Variants in PCDHA9 observed in about 807,000 individuals in gnomAD.
PCDHA9 encodes the protein protocadherin alpha-9.
In PCDHA9, 62 loss-of-function variants were observed where a neutral mutation model predicts 62.0. The observed-to-expected ratio is 1.00, with a 90% CI of 0.81 to 1.23. The LOEUF (loss-of-function observed/expected upper bound fraction) is 1.23. Among genes scored for constraint, PCDHA9 ranks in the 50% most tolerant of loss-of-function variants. The probability of loss-of-function intolerance (pLI) is 0.00; values close to 1 mark genes in which losing one functional copy is unlikely to be tolerated. For synonymous variants in PCDHA9, 557 were observed against 567.6 expected, an observed-to-expected ratio of 0.98 and a Z score of 0.27; for missense variants, 1,205 against 1,249.8, an observed-to-expected ratio of 0.96 and a Z score of 0.54.
intron 1 of PCDHA9, chr5:140,884,027 G>C (rs2059948411): frequency 6.2e-7 from 1 of 1,613,258 alleles, no homozygotes; most frequent in Admixed American, 1.7e-5. Context: ...GTCGGTGGGT[G>C]CAGGCCACGT....
chr5:140,865,358 A>G (rs935527495), intron 1 of PCDHA9: 2 of 152,230 alleles, frequency 1.3e-5, no homozygotes, highest in Non-Finnish European at 2.9e-5. Flanking sequence ...TACATATTGC[A>G]GGATAACCAT....
chr5:140,936,113 G>T (rs1316824905), intron 1 of PCDHA9, among the ~76,000 whole-genome samples: 1 of 151,964 alleles, frequency 6.6e-6, no homozygotes, highest in African/African-American at 2.4e-5. Flanking sequence ...GGCTGGTCTC[G>T]AACTCCTGAC....
intron 1 of PCDHA9, chr5:140,871,324 T>G (rs1554165430): frequency 3.1e-6 from 5 of 1,614,048 alleles, no homozygotes; most frequent in Non-Finnish European, 4.2e-6. Flanking sequence ...GCTGGTGTGC[T>G]CCCGCGCGGT....
At chr5:140,946,872 T>C (rs983892070) in intron 1 of PCDHA9, among the ~76,000 whole-genome samples, 7 of 151,402 alleles carry the variant, frequency 4.6e-5, no homozygotes, top group Admixed American at 1.3e-4. Flanking sequence ...GGTTGGTCAA[T>C]GGGTACGAAG....
intron 1 of PCDHA9, chr5:140,875,523 G>A (rs782796444): frequency 6.2e-7 from 1 of 1,613,992 alleles, no homozygotes; most frequent in South Asian, 1.1e-5. Flanking sequence ...TGCTGCTCTC[G>A]CTTCTGCTCC....
At chr5:141,002,273 A>G (rs1040927044) in intron 3 of PCDHA9, among the ~76,000 whole-genome samples, 42 of 152,308 alleles carry the variant, frequency 2.8e-4, no homozygotes, top group African/African-American at 8.9e-4. Context: ...AGAGCTGGTA[A>G]CAAAGGGATG....
At chr5:140,968,008 CT>C (rs782634586) in intron 1 of PCDHA9, 1 of 1,614,202 alleles carries the variant, frequency 6.2e-7, no homozygotes, top group Non-Finnish European at 8.5e-7. Context: ...GACTGAATGG[CT>C]TTGGAAACTC....
intron 1 of PCDHA9, among the ~76,000 whole-genome samples, chr5:140,888,038 T>C (rs1195921370): frequency 3.3e-5 from 5 of 152,238 alleles, no homozygotes; most frequent in Non-Finnish European, 7.3e-5. Context: ...TATTAGTACA[T>C]GTATAATAGA....
chr5:140,862,633 G>C, intron 1 of PCDHA9: 5 of 537,306 alleles, frequency 9.3e-6, no homozygotes, highest in Non-Finnish European at 1.9e-5. Context: ...GGGCTGCCAC[G>C]ACTTCACAGT....
At chr5:140,883,018 G>T (rs1400637236) in intron 1 of PCDHA9, 2 of 1,613,968 alleles carry the variant, frequency 1.2e-6, no homozygotes, top group East Asian at 2.2e-5. Flanking sequence ...ATAAAGTGAC[G>T]GTGTTAGAGA....
rs1554145927 is a variant in PCDHA9, at chr5:140,852,587, T to TA, written c.2394+1698_2394+1699insA. ...CACTGTGCCAAGGCTTTTTTATTTT[T>TA]TTTTTTTGTCATTTTCTTTCAAAAC... On this transcript the variant is annotated intron_variant, in intron 1 of 3. Coordinates refer to ENST00000532602, the MANE Select transcript of PCDHA9 (RefSeq NM_031857.2). 484 of 881,862 alleles carry TA rather than the reference T, an allele frequency of 5.5e-4. 26 individuals are homozygous for TA. Among genetic ancestry groups the TA allele is most frequent in the African/African-American group, 4.5e-3 (245 of 54,698 alleles). 54.6% of individuals were successfully genotyped at this position (881,862 alleles called of 1,614,324 possible). A position where few individuals can be genotyped will look rare whatever the true frequency, so the allele number is the denominator to read the frequency against.
In PCDHA9 at chr5:140,852,727, G is replaced by T. The variant is rs1395858951; in HGVS notation, c.2394+1838G>T. The T allele has an allele frequency of 2.0e-6, 2 of 983,412 alleles. 1 individual carries two copies. The highest frequency in any genetic ancestry group is 2.5e-6 in the Non-Finnish European group (2 of 816,078). 60.9% of individuals were successfully genotyped at this position (983,412 alleles called of 1,614,324 possible). A position where few individuals can be genotyped will look rare whatever the true frequency, so the allele number is the denominator to read the frequency against. On this transcript the variant is annotated intron_variant, in intron 1 of 3. Transcript: ENST00000532602. ...ATCTTTGTCTTTGCACGTTTTTCAA[G>T]TTTCATGTGCCATTTAAACTTGGAC...
intron 1 of PCDHA9, among the ~76,000 whole-genome samples, chr5:140,923,505 G>C (rs1281972725): frequency 6.6e-6 from 1 of 152,118 alleles, no homozygotes; most frequent in East Asian, 1.9e-4. Context: ...CTCCAGCCTG[G>C]ATGATGAAGT....
intron 1 of PCDHA9, chr5:140,851,516 T>TA: frequency 2.2e-6 from 2 of 906,324 alleles, no homozygotes; most frequent in Non-Finnish European, 2.7e-6. Context: ...AAATATGTTT[T>TA]AAAATGCCTG....
At chr5:140,972,660 ATTTTT>A (rs11350929) in intron 1 of PCDHA9, among the ~76,000 whole-genome samples, 2 of 117,266 alleles carry the variant, frequency 1.7e-5, no homozygotes, top group African/African-American at 3.3e-5. Flanking sequence ...AAGAAACCAA[ATTTTT>A]TTTTTTTTTT....
chr5:140,962,557 C>A (rs1554226125), intron 1 of PCDHA9, among the ~76,000 whole-genome samples: 2 of 152,112 alleles, frequency 1.3e-5, no homozygotes, highest in Admixed American at 6.6e-5. Flanking sequence ...AGGATCTCCC[C>A]CTAAAAGCCA....
intron 1 of PCDHA9, chr5:140,870,723 C>A: frequency 1.9e-6 from 3 of 1,613,170 alleles, no homozygotes; most frequent in East Asian, 4.5e-5. Context: ...GCGATGCGGG[C>A]GTGCCGCCTC....
intron 1 of PCDHA9, chr5:140,969,349 G>A (rs782345683): frequency 3.1e-5 from 50 of 1,612,958 alleles, no homozygotes; most frequent in Non-Finnish European, 4.2e-5. Context: ...AGTGGTCAGG[G>A]GGTCTTCTAC....
At chr5:140,890,363 C>T (rs1217094920) in intron 1 of PCDHA9, among the ~76,000 whole-genome samples, 1 of 152,036 alleles carries the variant, frequency 6.6e-6, no homozygotes, top group African/African-American at 2.4e-5. Flanking sequence ...CAATGGATAA[C>T]CTGAACAAGT....
Sources: allele counts gnomAD v4.1 joint callset (sites outside exome capture counted in the v4.1 genomes callset), GRCh38; gene constraint gnomAD v4.1.1; transcripts MANE v1.5; gene names NCBI Gene and HGNC (gene_info 2026-07-23, HGNC 2026-07-21).